The following DYNLT2 variants were observed in gnomAD, a reference collection of about 807,000 sequenced individuals.
DYNLT2 encodes the protein dynein light chain Tctex-type 2.
DYNLT2 carries 24 observed loss-of-function variants against 24.3 expected under a neutral mutation model. The ratio of observed to expected loss-of-function variants is 0.99; its 90% confidence interval spans 0.71 to 1.39. The LOEUF (loss-of-function observed/expected upper bound fraction) is 1.39. Among genes scored for constraint, DYNLT2 ranks in the 40% most tolerant of loss-of-function variants. The pLI is 0.00. For missense variants in DYNLT2, 246 were observed against 234.5 expected (o/e 1.05, Z -0.32); for synonymous variants, 85 against 85.4 (o/e 1.00, Z 0.03).
the DYNLT2 span, among the ~76,000 whole-genome samples, chr6:169,728,752 G>T: frequency 1.3e-5 from 2 of 152,054 alleles, no homozygotes; most frequent in Non-Finnish European, 2.9e-5. Flanking sequence ...AAAAACAAAA[G>T]AAAACAAAAC....
In DYNLT2 at chr6:169,743,171, C is replaced by T. The variant is rs149245139; in HGVS notation, c.395G>A (p.Arg132His). 2.5e-5 allele frequency: 40 copies of T among 1,571,934 alleles called. No individual in the cohort carries two copies. Among genetic ancestry groups the T allele is most frequent in the Middle Eastern group, 1.7e-4 (1 of 5,858 alleles). ...AAATTCTTTGACTGCTAACAGTATG[C>T]GGTCTGCCAATTCAAGTGACAAGTG... ...FSHLSLELADRILLAVKEFGY... is the reference protein window; with the variant it reads ...FSHLSLELADHILLAVKEFGY... The change falls in exon 3 of 4, where the codon CGC becomes CAC. Residue 132 changes from arginine to histidine, a missense_variant. Arg to His is a conservative substitution (Grantham distance 29, BLOSUM62 0). Coordinates refer to ENST00000366774, the MANE Select transcript of DYNLT2 (RefSeq NM_174910.3).
At position 169,751,498 on chromosome 6, in the gene DYNLT2, C is replaced by T; in HGVS notation, c.-40G>A. The T allele has an allele frequency of 6.2e-7, 1 of 1,611,374 alleles. No homozygotes were observed. Among genetic ancestry groups the T allele is most frequent in the Non-Finnish European group, 8.5e-7 (1 of 1,178,720 alleles). ...CAAGACGCCCACCGCCTCCCCTTCA[C>T]CGCCGGCGGTCAAACGCCCTAGCCA... On this transcript the variant is annotated 5_prime_UTR_variant, in exon 1 of 4. In the 5' UTR this introduces an upstream ATG that the reference lacks. Coordinates refer to ENST00000366774, the MANE Select transcript of DYNLT2 (RefSeq NM_174910.3).
At chr6:169,727,376 G>A in the DYNLT2 span, among the ~76,000 whole-genome samples, 3 of 152,076 alleles carry the variant, frequency 2.0e-5, no homozygotes, top group African/African-American at 7.2e-5. Flanking sequence ...TGAGTAGGAA[G>A]GCAGAAAACC....
At chr6:169,729,288 G>A in the DYNLT2 span, among the ~76,000 whole-genome samples, 2 of 152,066 alleles carry the variant, frequency 1.3e-5, no homozygotes, top group African/African-American at 4.8e-5. Flanking sequence ...TGGCTTCTAT[G>A]GTGCCTTTTG....
chr6:169,725,194 C>T, the DYNLT2 span: 10 of 398,742 alleles, frequency 2.5e-5, no homozygotes, highest in Non-Finnish European at 4.4e-5. Context: ...TCCGGGGCGG[C>T]CCGCCGTACA....
At chr6:169,748,478 C>CT (rs1789861587) in intron 1 of DYNLT2, among the ~76,000 whole-genome samples, 1 of 152,152 alleles carries the variant, frequency 6.6e-6, no homozygotes, top group Non-Finnish European at 1.5e-5. Flanking sequence ...TTGTGTGTTA[C>CT]TTTAAGTAGT....
intron 1 of DYNLT2, among the ~76,000 whole-genome samples, chr6:169,746,863 T>A (rs923733043): frequency 4.6e-5 from 7 of 151,458 alleles, no homozygotes; most frequent in African/African-American, 1.7e-4. Context: ...GTTTCTGAGT[T>A]TTTTGTTTTT....
chr6:169,725,394 A>G, the DYNLT2 span: 31 of 397,998 alleles, frequency 7.8e-5, no homozygotes, highest in Non-Finnish European at 1.3e-4. Context: ...CGACGTTAAC[A>G]CGCTCAGTCC....
Position 169,740,168 on chromosome 6 carries a change from T to A in DYNLT2, c.*17A>T. 1 of 1,502,700 alleles carries A rather than the reference T, an allele frequency of 6.7e-7. No homozygotes were observed. Among genetic ancestry groups the A allele is most frequent in the Non-Finnish European group, 9.3e-7 (1 of 1,080,998 alleles). The allele number at this position is 1,502,700 out of a possible 1,614,324, so 93.1% of individuals were successfully genotyped here. On this transcript the variant is annotated 3_prime_UTR_variant, in exon 4 of 4. Coordinates refer to ENST00000366774, the MANE Select transcript of DYNLT2 (RefSeq NM_174910.3). ...TGAAAAGTTCGGAAGTAAACAATCC[T>A]TAGTACCTGTAATGAGCTATTCATA...
At chr6:169,734,148 T>C in the DYNLT2 span, among the ~76,000 whole-genome samples, 14 of 152,258 alleles carry the variant, frequency 9.2e-5, no homozygotes, top group African/African-American at 3.4e-4. Flanking sequence ...CCTGAGACTT[T>C]GCTGTAGTTG....
chr6:169,750,483 CTCT>C (rs1789962612), intron 1 of DYNLT2: 1 of 152,166 alleles, frequency 6.6e-6, no homozygotes, highest in African/African-American at 2.4e-5. Flanking sequence ...TTTGAGAATT[CTCT>C]TTTTAAGAGT....
At position 169,740,250 on chromosome 6, in the gene DYNLT2, C is replaced by A; in HGVS notation, c.532G>T (p.Ala178Ser). ...TAGGATTCTGCTTCGTGTTTAGCTG[C>A]GACCCAGCTGTCCCATGCAATGTCC... The part of the protein sequence containing the change: ...IWDIAWDSWV[A>S]AKHEAESYVA... Residue 178 changes from alanine (A) to serine (S), a missense_variant, in exon 4 of 4, where the codon GCA (alanine) becomes TCA (serine). Coordinates refer to ENST00000366774, the MANE Select transcript of DYNLT2 (RefSeq NM_174910.3). The A allele has an allele frequency of 6.2e-7, 1 of 1,613,978 alleles. No individual in the cohort carries two copies. Among genetic ancestry groups the A allele is most frequent in the East Asian group, 2.2e-5 (1 of 44,874 alleles).
At chr6:169,733,861 A>G in the DYNLT2 span, among the ~76,000 whole-genome samples, 1 of 152,230 alleles carries the variant, frequency 6.6e-6, no homozygotes, top group East Asian at 1.9e-4. Flanking sequence ...CATTGAATCT[A>G]TAAATTACTT....
chr6:169,747,214 C>T (rs1187464933), intron 1 of DYNLT2, among the ~76,000 whole-genome samples: 1 of 151,804 alleles, frequency 6.6e-6, no homozygotes, highest in Admixed American at 6.6e-5. Context: ...TGTAACGTTC[C>T]TTTGTTCTAG....
At chr6:169,751,070 A>G in intron 1 of DYNLT2, 1 of 381,342 alleles carries the variant, frequency 2.6e-6, no homozygotes, top group South Asian at 5.3e-5. Context: ...ATTTGAAAAG[A>G]AGATCTTGTA....
At chr6:169,740,379 T>C in intron 3 of DYNLT2, 84 bp from the exon 4 acceptor site, 1 of 795,364 alleles carries the variant, frequency 1.3e-6, no homozygotes, top group Non-Finnish European at 2.2e-6. Flanking sequence ...TTTTTAAAAA[T>C]GAATGCATCA....
At chr6:169,745,703 G>A (rs756736627) in intron 1 of DYNLT2, among the ~76,000 whole-genome samples, 8 of 152,274 alleles carry the variant, frequency 5.3e-5, no homozygotes, top group African/African-American at 9.6e-5. Flanking sequence ...TTTTGCATCA[G>A]TGTTAATACA....
At chr6:169,738,429 A>G (rs2128334868), downstream of DYNLT2, among the ~76,000 whole-genome samples, 1 of 152,296 alleles carries the variant, frequency 6.6e-6, no homozygotes, top group Non-Finnish European at 1.5e-5. Flanking sequence ...TGGGTTTGCA[A>G]GTGGAATCTT....
chr6:169,731,274 G>C, the DYNLT2 span, among the ~76,000 whole-genome samples: 1 of 152,154 alleles, frequency 6.6e-6, no homozygotes, highest in East Asian at 1.9e-4. Flanking sequence ...GAAAATAGCA[G>C]AGTATTACAT....
Sources: allele counts gnomAD v4.1 joint callset (sites outside exome capture counted in the v4.1 genomes callset), GRCh38; gene constraint gnomAD v4.1.1; transcripts MANE v1.5; gene names NCBI Gene and HGNC (gene_info 2026-07-23, HGNC 2026-07-21).